Variants in NCAM2 observed in about 807,000 individuals in gnomAD.
The protein encoded by NCAM2 is N-CAM-2.
NCAM2 carries 30 observed loss-of-function variants against 98.1 expected under a neutral mutation model. The ratio of observed to expected loss-of-function variants is 0.31; its 90% CI spans 0.23 to 0.41. The LOEUF is 0.41. Among genes scored for constraint, NCAM2 ranks in the 10% least tolerant of loss-of-function variants. NCAM2 has a pLI of 1.00. For synonymous variants in NCAM2, 368 were observed against 342.4 expected, an observed-to-expected ratio of 1.07 and a Z score of -0.83; for missense variants, 867 against 1,005.8, an observed-to-expected ratio of 0.86 and a Z score of 1.87.
intron 8 of NCAM2, among the ~76,000 whole-genome samples, chr21:21,371,162 C>CT (rs1273850020): frequency 6.6e-6 from 1 of 151,732 alleles, no homozygotes; most frequent in African/African-American, 2.4e-5. Context: ...AGAGAAGAAA[C>CT]TTACAGGGAG....
At chr21:21,168,035 A>T (rs1044483986) in intron 1 of NCAM2, among the ~76,000 whole-genome samples, 4 of 152,138 alleles carry the variant, frequency 2.6e-5, no homozygotes, top group Admixed American at 2.6e-4. Flanking sequence ...TAGCGCATAA[A>T]CATAGACGCA....
At chr21:21,127,185 C>G (rs974071347) in intron 1 of NCAM2, among the ~76,000 whole-genome samples, 2 of 151,772 alleles carry the variant, frequency 1.3e-5, no homozygotes, top group Non-Finnish European at 2.9e-5. Context: ...AAAATGAACA[C>G]TGTAATATAT....
chr21:21,202,711 G>T (rs113614208), intron 1 of NCAM2, among the ~76,000 whole-genome samples: 1 of 152,042 alleles, frequency 6.6e-6, no homozygotes, highest in South Asian at 2.1e-4. Flanking sequence ...CCACTGTGCC[G>T]GGCCCATGCT....
intron 1 of NCAM2, among the ~76,000 whole-genome samples, chr21:21,195,886 A>G (rs1164880766): frequency 6.6e-6 from 1 of 152,234 alleles, no homozygotes; most frequent in African/African-American, 2.4e-5. Flanking sequence ...ATGAAGAAAT[A>G]AAACTGTGTG....
chr21:21,206,800 G>A (rs1489459294), intron 1 of NCAM2, among the ~76,000 whole-genome samples: 2 of 152,042 alleles, frequency 1.3e-5, no homozygotes, highest in Admixed American at 6.6e-5. Context: ...AAGGATGAAT[G>A]CATGCATGTA....
intron 5 of NCAM2, among the ~76,000 whole-genome samples, chr21:21,316,365 C>A (rs1463212477): frequency 6.6e-6 from 1 of 151,718 alleles, no homozygotes; most frequent in Non-Finnish European, 1.5e-5. Flanking sequence ...TGTGCTGCAC[C>A]CATTAACTTA....
chr21:21,075,962 C>G (rs944815495), intron 1 of NCAM2, among the ~76,000 whole-genome samples: 2 of 151,626 alleles, frequency 1.3e-5, no homozygotes, highest in African/African-American at 4.8e-5. Context: ...ACTAAAAATA[C>G]AAAAATTAGC....
chr21:21,365,560 A>G (rs1021325071), intron 8 of NCAM2, among the ~76,000 whole-genome samples: 2 of 151,986 alleles, frequency 1.3e-5, no homozygotes, highest in Non-Finnish European at 2.9e-5. Flanking sequence ...AATAACCCAT[A>G]ATAAGAAAAA....
intron 15 of NCAM2, among the ~76,000 whole-genome samples, chr21:21,491,655 T>C (rs566004524): frequency 1.3e-5 from 2 of 151,820 alleles, no homozygotes; most frequent in East Asian, 3.9e-4. Flanking sequence ...TATGAAATGA[T>C]GCCAAAATTC....
At position 21,017,605 on chromosome 21, in the gene NCAM2, C is replaced by A. The variant is rs2064339709; in HGVS notation, c.55+18987C>A. ...CATGCCTCGACCAAAGTGAGCTATA[C>A]TATTCCTCGCTTATGATTTCTTCCA... On this transcript the variant is annotated intron_variant, in intron 1 of 17. Transcript: ENST00000400546. Among the ~76,000 whole-genome samples the A allele has an allele frequency of 1.3e-5, 2 of 151,932 alleles. 1 individual carries two copies. The highest frequency in any genetic ancestry group is 4.1e-4 in the South Asian group (2 of 4,826).
At chr21:21,310,485 T>G (rs1404567980) in intron 5 of NCAM2, among the ~76,000 whole-genome samples, 1 of 152,126 alleles carries the variant, frequency 6.6e-6, no homozygotes, top group Non-Finnish European at 1.5e-5. Flanking sequence ...AAACAGGCAT[T>G]CCTTGAAGAA....
In NCAM2 at chr21:21,280,978, A is replaced by G. The variant is rs1034738970; in HGVS notation, c.130+326A>G. ...GTCTTTTTGTGTTTTTGTAGTAGAG[A>G]CGGGGTTTCACCATGTTGGCCAGGC... On this transcript the variant is annotated intron_variant, in intron 2 of 17. Transcript: ENST00000400546. Among the ~76,000 whole-genome samples, 9 of 151,946 alleles carry G rather than the reference A, an allele frequency of 5.9e-5. No homozygotes were observed. The Middle Eastern group carries it at 0.01, about 172-fold the overall frequency.
chr21:21,126,026 T>C (rs1010200756), intron 1 of NCAM2, among the ~76,000 whole-genome samples: 3 of 151,772 alleles, frequency 2.0e-5, no homozygotes, highest in African/African-American at 7.2e-5. Context: ...CTGTTCAAAT[T>C]TTGTAATGTT....
chr21:21,477,170 C>T, intron 14 of NCAM2, 121 bp from the exon 15 acceptor site: 1 of 630,056 alleles, frequency 1.6e-6, no homozygotes. Flanking sequence ...ATCCCTGTGC[C>T]TATGAAAATT....
chr21:21,361,612 C>T (rs75713863), intron 8 of NCAM2, among the ~76,000 whole-genome samples: 6,337 of 152,020 alleles, frequency 0.042, 184 homozygotes, highest in East Asian at 0.12. Context: ...TCTAGTCTTA[C>T]GGCTTTAATG....
At chr21:21,330,428 TG>T (rs553209720) in intron 6 of NCAM2, among the ~76,000 whole-genome samples, 67 of 152,192 alleles carry the variant, frequency 4.4e-4, no homozygotes, top group African/African-American at 1.6e-3. Context: ...TCTAAGTATT[TG>T]GGTATATTTC....
At chr21:21,307,513 T>C (rs2147690972) in intron 5 of NCAM2, among the ~76,000 whole-genome samples, 1 of 152,314 alleles carries the variant, frequency 6.6e-6, no homozygotes, top group East Asian at 1.9e-4. Flanking sequence ...TGCTGGGATC[T>C]GCTCAGTATA....
intron 1 of NCAM2, among the ~76,000 whole-genome samples, chr21:21,105,674 TAATA>T (rs765108695): frequency 2.6e-5 from 4 of 152,130 alleles, no homozygotes; most frequent in Non-Finnish European, 5.9e-5. Context: ...TTAAAAAGAC[TAATA>T]AAACTCTTCA....
At chr21:21,243,676 AG>A (rs1380352653) in intron 1 of NCAM2, among the ~76,000 whole-genome samples, 1 of 152,110 alleles carries the variant, frequency 6.6e-6, no homozygotes, top group Non-Finnish European at 1.5e-5. Flanking sequence ...TCTAAAAAGA[AG>A]TCTAGGCCAC....
Sources: allele counts gnomAD v4.1 joint callset (sites outside exome capture counted in the v4.1 genomes callset), GRCh38; gene constraint gnomAD v4.1.1; transcripts MANE v1.5; gene names NCBI Gene and HGNC (gene_info 2026-07-23, HGNC 2026-07-21).